SIRT2: variants seen among roughly 807,000 people sequenced by gnomAD.
SIRT2 encodes NAD-dependent protein deacetylase sirtuin-2.
In SIRT2, 40 loss-of-function variants were observed where a neutral mutation model predicts 57.4. The observed-to-expected ratio is 0.70, with a 90% CI of 0.54 to 0.91. The LOEUF (loss-of-function observed/expected upper bound fraction) is 0.91, where lower values mean the gene tolerates loss of function less well. Among genes scored for constraint, SIRT2 ranks in the 40% least tolerant of loss-of-function variants. SIRT2 has a pLI of 0.00. For synonymous variants in SIRT2, 161 were observed against 195.7 expected (o/e 0.82, Z 1.48); for missense variants, 439 against 510.4 (o/e 0.86, Z 1.35).
At chr19:38,884,472 G>A (rs960177290) in intron 8 of SIRT2, among the ~76,000 whole-genome samples, 9 of 151,528 alleles carry the variant, frequency 5.9e-5, no homozygotes, top group Admixed American at 2.6e-4. Context: ...TTTTTGAGAT[G>A]GAGTCTTGCT....
chr19:38,889,557 G>T, intron 7 of SIRT2, 132 bp downstream of exon 7: 2 of 1,004,462 alleles, frequency 2.0e-6, no homozygotes, highest in Non-Finnish European at 1.5e-6. Flanking sequence ...GACTTGAACC[G>T]AGGCAGTCTG....
chr19:38,889,022 C>CT, intron 8 of SIRT2, 65 bp downstream of exon 8: 1 of 1,483,418 alleles, frequency 6.7e-7, no homozygotes, highest in East Asian at 2.3e-5. Context: ...CTCTGCTCCT[C>CT]TGCTGAGGAC....
chr19:38,891,774 C>A, intron 4 of SIRT2: 1 of 432,042 alleles, frequency 2.3e-6, no homozygotes, highest in Non-Finnish European at 4.9e-6. Context: ...TCCTCCTGGG[C>A]ACCCTCATGA....
Position 38,883,068 on chromosome 19 carries a change from ACTT to A in SIRT2, c.631+556_631+558del, listed in dbSNP as rs1311139211. 1.3e-4 allele frequency among the ~76,000 whole-genome samples: 19 copies of A among 145,084 alleles called. No individual in the cohort carries two copies. The South Asian group carries it at 3.4e-3, about 26-fold the overall frequency. On this transcript the variant is annotated intron_variant, in intron 9 of 15. Transcript: ENST00000249396. ...TGGCTTTCCATGAGTGGAATAAGTG[ACTT>A]CTTGTTTTTTTTTTTTTTTTTTTTT...
In SIRT2 at chr19:38,897,115, A is replaced by C. The variant is rs188447819; in HGVS notation, c.63+1264T>G. 9.2e-5 allele frequency among the ~76,000 whole-genome samples: 14 copies of C among 152,282 alleles called. 1 individual carries two copies. The highest frequency in any genetic ancestry group is 7.9e-4 in the Admixed American group (12 of 15,272). ...TTAACAACTCTGCCTCAGATTCTGCATCTGTAAAATGGCCGTGATAGGCGT... is the reference window on the plus strand; with the variant it reads ...TTAACAACTCTGCCTCAGATTCTGCCTCTGTAAAATGGCCGTGATAGGCGT... On this transcript the variant is annotated intron_variant, in intron 2 of 15. Coordinates refer to ENST00000249396, the MANE Select transcript of SIRT2 (RefSeq NM_012237.4).
chr19:38,885,993 C>G (rs556412334), intron 8 of SIRT2, among the ~76,000 whole-genome samples: 7 of 152,260 alleles, frequency 4.6e-5, no homozygotes, highest in East Asian at 1.9e-4. Flanking sequence ...ACAACCACCC[C>G]CTTTGGAGCA....
chr19:38,894,710 C>T, intron 2 of SIRT2: 1 of 441,708 alleles, frequency 2.3e-6, no homozygotes, highest in South Asian at 1.6e-5. Flanking sequence ...GACACTCTGC[C>T]CACCTCTCCA....
intron 8 of SIRT2, among the ~76,000 whole-genome samples, chr19:38,886,964 GTC>G (rs950989564): frequency 1.3e-5 from 2 of 151,664 alleles, no homozygotes; most frequent in Admixed American, 6.6e-5. Flanking sequence ...TTGAGACGGA[GTC>G]TCTCTCTGTC....
chr19:38,893,402 CAG>C lies in SIRT2; in HGVS notation c.226+10_226+11del. On this transcript the variant is annotated intron_variant, in intron 4 of 15. Transcript: ENST00000249396. ...GCCAGGCAAAGTGGCCCAATCCTGA[CAG>C]GGGACTCACAGCGTTCGCTCTGCAT... 6.3e-7 allele frequency: 1 copy of C among 1,579,792 alleles called. No individual in the cohort carries two copies. Among genetic ancestry groups the C allele is most frequent in the Non-Finnish European group, 8.7e-7 (1 of 1,148,954 alleles).
At chr19:38,887,335 T>C (rs1057250869) in intron 8 of SIRT2, among the ~76,000 whole-genome samples, 1 of 152,222 alleles carries the variant, frequency 6.6e-6, no homozygotes, top group Non-Finnish European at 1.5e-5. Context: ...CAGCGGGGTC[T>C]TGGGGTGAGT....
intron 2 of SIRT2, 137 bp from the exon 3 acceptor site, chr19:38,894,004 C>T: frequency 1.3e-6 from 2 of 1,505,548 alleles, no homozygotes; most frequent in Non-Finnish European, 1.8e-6. Context: ...AGAGACTGCA[C>T]TGGGGCTAGC....
At chr19:38,882,836 A>G (rs1973197471) in intron 9 of SIRT2, among the ~76,000 whole-genome samples, 1 of 152,082 alleles carries the variant, frequency 6.6e-6, no homozygotes, top group African/African-American at 2.4e-5. Context: ...CGCTGCTGTC[A>G]ATGACACATA....
Position 38,880,760 on chromosome 19 carries a change from G to A in SIRT2, c.825-24C>T, listed in dbSNP as rs1314086746. Reference sequence around the variant, plus strand: ...CCCTGTGGGGAGGGGGAGCTAAGGGGTCAGGGTCTGTCCTGGCCCTGGGTG... The same window carrying A: ...CCCTGTGGGGAGGGGGAGCTAAGGGATCAGGGTCTGTCCTGGCCCTGGGTG... On this transcript the variant is annotated intron_variant, in intron 12 of 15. Transcript: ENST00000249396. The surrounding 1 kb of genome is among the most constrained non-coding windows in gnomAD (Gnocchi z 4.1). 3.1e-6 allele frequency: 5 copies of A among 1,610,934 alleles called. No homozygotes were observed. Among genetic ancestry groups the A allele is most frequent in the Non-Finnish European group, 4.2e-6 (5 of 1,177,598 alleles).
At chr19:38,897,547 G>A (rs942485806) in intron 2 of SIRT2, among the ~76,000 whole-genome samples, 7 of 149,480 alleles carry the variant, frequency 4.7e-5, no homozygotes, top group Non-Finnish European at 5.9e-5. Context: ...TTTTGAGACC[G>A]TGTTTTGCTC....
At chr19:38,881,277 G>A (rs1973145248) in intron 10 of SIRT2, 122 bp from the exon 11 acceptor site, 1 of 1,172,418 alleles carries the variant, frequency 8.5e-7, no homozygotes, top group South Asian at 1.4e-5. Flanking sequence ...CCGGCCAGGG[G>A]CACAGACCCC....
chr19:38,892,268 C>T (rs1369303137), intron 4 of SIRT2, among the ~76,000 whole-genome samples: 2 of 151,800 alleles, frequency 1.3e-5, no homozygotes, highest in Non-Finnish European at 2.9e-5. Flanking sequence ...TGGTGGTGTG[C>T]GTCTGTAATC....
At chr19:38,885,247 G>A (rs953663582) in intron 8 of SIRT2, among the ~76,000 whole-genome samples, 5 of 151,146 alleles carry the variant, frequency 3.3e-5, no homozygotes, top group African/African-American at 9.7e-5. Flanking sequence ...CACCATGCCC[G>A]GCTAATTTTT....
At position 38,883,768 on chromosome 19, in the gene SIRT2, G is replaced by C. The variant is rs202164174; in HGVS notation, c.502-12C>G. ...AGGGTATCTATGTTCTAGAGGGAGA[G>C]ATGGAGGGAAGAGGGGTGAGGAGTG... is the stretch of plus-strand genomic sequence containing the variant. On this transcript the variant is annotated splice_polypyrimidine_tract_variant and intron_variant, in intron 8 of 15. Coordinates refer to ENST00000249396, the MANE Select transcript of SIRT2 (RefSeq NM_012237.4). 6.2e-7 allele frequency: 1 copy of C among 1,613,812 alleles called. No homozygotes were observed. The highest frequency in any genetic ancestry group is 1.1e-5 in the South Asian group (1 of 91,078).
intron 2 of SIRT2, among the ~76,000 whole-genome samples, chr19:38,896,105 T>C (rs978503145): frequency 6.0e-5 from 9 of 149,006 alleles, no homozygotes; most frequent in Non-Finnish European, 1.2e-4. Flanking sequence ...AGAGTGAGAA[T>C]GAGAGAGAGA....
Sources: gnomAD v4.1 joint callset for allele counts (sites outside exome capture counted in the v4.1 genomes callset) on GRCh38, gnomAD v4.1.1 for gene constraint, Gnocchi (gnomAD v3.1) non-coding constraint, MANE v1.5 for transcripts, NCBI Gene and HGNC (gene_info 2026-07-23, HGNC 2026-07-21) for gene names.